SYT1: variants seen among roughly 807,000 people sequenced by gnomAD.
SYT1 encodes synaptotagmin 1, also known as synaptotagmin-1.
In SYT1, 8 loss-of-function variants were observed where a neutral mutation model predicts 44.8. That is an observed-to-expected ratio of 0.18 (90% CI 0.10 to 0.32). SYT1 has a LOEUF of 0.32. SYT1 is among the 10% of genes least tolerant of loss of function. The pLI, the probability that SYT1 is intolerant of heterozygous loss-of-function variation, is 1.00. For synonymous variants in SYT1, 154 were observed against 188.8 expected (o/e 0.82, Z 1.51); for missense variants, 286 against 509.3 (o/e 0.56, Z 4.22).
At chr12:79,076,952 C>T (rs939464047) in intron 3 of SYT1, among the ~76,000 whole-genome samples, 4 of 152,138 alleles carry the variant, frequency 2.6e-5, no homozygotes, top group Non-Finnish European at 5.9e-5. Flanking sequence ...TGTCTTCCTT[C>T]CTACCCCTAA....
chr12:78,906,210 AAAC>A (rs1265594479), intron 1 of SYT1, among the ~76,000 whole-genome samples: 5 of 152,132 alleles, frequency 3.3e-5, no homozygotes, highest in African/African-American at 1.2e-4. Context: ...ATAGAAAAAA[AAAC>A]AAAATGAAAT....
intron 4 of SYT1, among the ~76,000 whole-genome samples, chr12:79,282,611 A>G (rs574209955): frequency 1.9e-4 from 29 of 152,102 alleles, no homozygotes; most frequent in African/African-American, 5.3e-4. Context: ...AAATCACTGC[A>G]TTTTATGCTG....
chr12:78,994,260 C>A lies in SYT1; in HGVS notation c.-84+16329C>A, dbSNP rs577516052. On this transcript the variant is annotated intron_variant, in intron 2 of 10. Coordinates refer to ENST00000261205, the MANE Select transcript of SYT1 (RefSeq NM_005639.3). ...ACATTAACAAAGCACTTAAGTGAGCCTTTATCATTTCAATTGCACCAACCA... is the reference window on the plus strand; with the variant it reads ...ACATTAACAAAGCACTTAAGTGAGCATTTATCATTTCAATTGCACCAACCA... Among the ~76,000 whole-genome samples the A allele has an allele frequency of 2.9e-4, 44 of 152,186 alleles. 1 individual carries two copies. The highest frequency in any genetic ancestry group is 1.0e-3 in the African/African-American group (43 of 41,518).
chr12:78,950,721 T>C (rs771520670), intron 1 of SYT1, among the ~76,000 whole-genome samples: 1 of 152,096 alleles, frequency 6.6e-6, no homozygotes, highest in Non-Finnish European at 1.5e-5. Context: ...ATTTATTTGA[T>C]TAGATCATGC....
rs1873448970 is a variant in SYT1, at chr12:78,864,903, G to C, written c.-423G>C. Reference sequence around the variant, plus strand: ...AGAGGGGGGCTTGGCGCCCCGAAGGGGTGTGTGTAGGGTGGGGGCGACCAC... The same window carrying C: ...AGAGGGGGGCTTGGCGCCCCGAAGGCGTGTGTGTAGGGTGGGGGCGACCAC... On this transcript the variant is annotated 5_prime_UTR_variant, in exon 1 of 11. Coordinates refer to ENST00000261205, the MANE Select transcript of SYT1 (RefSeq NM_005639.3). The C allele has an allele frequency of 6.6e-6, 1 of 152,622 alleles. No individual in the cohort carries two copies. Among genetic ancestry groups the C allele is most frequent in the Non-Finnish European group, 1.5e-5 (1 of 68,502 alleles). 9.5% of individuals were successfully genotyped at this position (152,622 alleles called of 1,614,324 possible).
intron 4 of SYT1, among the ~76,000 whole-genome samples, chr12:79,238,604 C>A (rs1239770663): frequency 6.6e-6 from 1 of 152,136 alleles, no homozygotes; most frequent in African/African-American, 2.4e-5. Flanking sequence ...TAACAAGATG[C>A]AGGGCAATTG....
intron 9 of SYT1, among the ~76,000 whole-genome samples, chr12:79,358,868 C>T (rs75113742): frequency 0.011 from 1,624 of 152,198 alleles, 27 homozygotes; most frequent in African/African-American, 0.036. Flanking sequence ...GGAAAATGTT[C>T]GTAACTGTAA....
intron 3 of SYT1, among the ~76,000 whole-genome samples, chr12:79,155,363 T>G (rs1198168785): frequency 6.6e-6 from 1 of 152,206 alleles, no homozygotes; most frequent in African/African-American, 2.4e-5. Context: ...AGTTAAAAAT[T>G]CAGATGTTGG....
intron 6 of SYT1, among the ~76,000 whole-genome samples, chr12:79,295,167 G>T (rs1267699444): frequency 6.6e-6 from 1 of 152,106 alleles, no homozygotes; most frequent in African/African-American, 2.4e-5. Context: ...GTAAGAGTCT[G>T]CTTTGTTACC....
intron 1 of SYT1, among the ~76,000 whole-genome samples, chr12:78,883,931 G>A (rs1282088577): frequency 6.6e-6 from 1 of 151,118 alleles, no homozygotes; most frequent in African/African-American, 2.4e-5. Flanking sequence ...TTCATTTCTA[G>A]TAAAGAGAAA....
chr12:78,865,972 T>C (rs1483628487), intron 1 of SYT1, among the ~76,000 whole-genome samples: 2 of 151,914 alleles, frequency 1.3e-5, no homozygotes, highest in Non-Finnish European at 2.9e-5. Context: ...TTTCTTGGTA[T>C]GGCCTGTTGT....
intron 2 of SYT1, among the ~76,000 whole-genome samples, chr12:79,010,238 A>G (rs1363036711): frequency 6.6e-6 from 1 of 151,958 alleles, no homozygotes; most frequent in Non-Finnish European, 1.5e-5. Context: ...AAATTGAATG[A>G]TTTTTTTTCC....
At chr12:79,398,137 T>C (rs1190637164) in intron 9 of SYT1, among the ~76,000 whole-genome samples, 1 of 152,210 alleles carries the variant, frequency 6.6e-6, no homozygotes, top group Admixed American at 6.5e-5. Context: ...AAGTGTTCAG[T>C]ATGAAAGGCC....
intron 3 of SYT1, among the ~76,000 whole-genome samples, chr12:79,145,489 A>C (rs1412872840): frequency 6.6e-6 from 1 of 152,132 alleles, no homozygotes; most frequent in Non-Finnish European, 1.5e-5. Context: ...ATAATTAGTA[A>C]TAGCTAACAA....
chr12:79,178,957 TATAGATATAG>T (rs1872099972), intron 3 of SYT1, among the ~76,000 whole-genome samples: 2 of 70,270 alleles, frequency 2.8e-5, no homozygotes, highest in African/African-American at 7.1e-5. Context: ...TAGATATAGA[TATAGATATAG>T]ATATATAGAT....
chr12:79,179,551 A>ACG (rs1207781312), intron 3 of SYT1, among the ~76,000 whole-genome samples: 1 of 134,716 alleles, frequency 7.4e-6, no homozygotes, highest in African/African-American at 2.8e-5. Context: ...ATAGAGATAT[A>ACG]GATATAGATT....
At chr12:79,411,049 G>C (rs1868400822) in intron 9 of SYT1, among the ~76,000 whole-genome samples, 1 of 152,162 alleles carries the variant, frequency 6.6e-6, no homozygotes. Context: ...GAAGAATAAT[G>C]CAAACCTCAA....
At chr12:79,176,763 T>C (rs1871897060) in intron 3 of SYT1, among the ~76,000 whole-genome samples, 1 of 152,044 alleles carries the variant, frequency 6.6e-6, no homozygotes, top group Non-Finnish European at 1.5e-5. Context: ...AATTTATTTT[T>C]TTTGGAGTAA....
At chr12:79,027,186 G>C (rs1303695633) in intron 2 of SYT1, among the ~76,000 whole-genome samples, 1 of 151,542 alleles carries the variant, frequency 6.6e-6, no homozygotes, top group African/African-American at 2.4e-5. Flanking sequence ...TGGATCCTCA[G>C]CTGAATGTCT....
Sources: gnomAD v4.1 joint callset for allele counts (sites outside exome capture counted in the v4.1 genomes callset) on GRCh38, gnomAD v4.1.1 for gene constraint, MANE v1.5 for transcripts, NCBI Gene and HGNC (gene_info 2026-07-23, HGNC 2026-07-21) for gene names.